GPC1: variants seen among roughly 807,000 people sequenced by gnomAD.
The protein encoded by GPC1 is glypican-1.
Under a neutral mutation model 51.5 loss-of-function variants are expected in GPC1, and 26 were observed. The observed-to-expected ratio is 0.50, with a 90% CI of 0.37 to 0.70. The LOEUF is 0.70. Ranked by LOEUF, GPC1 falls within the 30% of genes least tolerant of loss-of-function variation. GPC1 has a pLI of 0.00. For synonymous variants in GPC1, 380 were observed against 348.3 expected, an observed-to-expected ratio of 1.09 and a Z score of -1.01; for missense variants, 775 against 800.5, an observed-to-expected ratio of 0.97 and a Z score of 0.38.
rs769545270 is a variant in GPC1, at chr2:240,459,094, G to A, written c.231G>A (p.Leu77=). 17 of 1,612,856 alleles carry A rather than the reference G, an allele frequency of 1.1e-5. No individual in the cohort carries two copies. Among genetic ancestry groups the A allele is most frequent in the South Asian group, 6.6e-5 (6 of 91,088 alleles). ...TCCTSEMEEN[L]ANRSHAELET... is the part of the protein sequence containing the mutation. ...GCACCAGCGAGATGGAGGAGAACCTGGCCAACCGCAGCCATGCCGAGCTGG... is the reference window on the plus strand; with the variant it reads ...GCACCAGCGAGATGGAGGAGAACCTAGCCAACCGCAGCCATGCCGAGCTGG... The change falls in exon 2 of 9, where the codon CTG becomes CTA. Residue 77 remains leucine (L), a synonymous_variant. Coordinates refer to ENST00000264039, the MANE Select transcript of GPC1 (RefSeq NM_002081.3).
intron 3 of GPC1, 85 bp downstream of exon 3, chr2:240,462,667 C>T (rs562766352): frequency 3.9e-6 from 5 of 1,278,092 alleles, no homozygotes; most frequent in Non-Finnish European, 5.3e-6. Flanking sequence ...CCTACTTTAA[C>T]CCTGTGCCCC....
intron 1 of GPC1, chr2:240,450,593 GA>G (rs1442665104): frequency 4.2e-6 from 2 of 470,666 alleles, no homozygotes; most frequent in Non-Finnish European, 4.4e-6. Context: ...AGACCTCTGG[GA>G]ACAAGGGAGC....
At chr2:240,456,095 G>GCAGGT (rs1460426209) in intron 1 of GPC1, 5 of 300,964 alleles carry the variant, frequency 1.7e-5, no homozygotes, top group Non-Finnish European at 3.4e-5. Flanking sequence ...CTGGAACAAC[G>GCAGGT]CAGGTCGCCG....
intron 1 of GPC1, among the ~76,000 whole-genome samples, chr2:240,438,376 G>A (rs2073996949): frequency 6.6e-6 from 1 of 152,212 alleles, no homozygotes; most frequent in African/African-American, 2.4e-5. Flanking sequence ...CAGTCCTGGG[G>A]CAGCCAAGCC....
At chr2:240,456,341 C>T (rs938966954) in intron 1 of GPC1, among the ~76,000 whole-genome samples, 5 of 151,986 alleles carry the variant, frequency 3.3e-5, no homozygotes, top group South Asian at 4.1e-4. Flanking sequence ...GTGGGTCCGC[C>T]GGGACCTCGC....
chr2:240,439,231 G>A (rs1195077521), intron 1 of GPC1, among the ~76,000 whole-genome samples: 2 of 152,170 alleles, frequency 1.3e-5, no homozygotes, highest in Admixed American at 6.5e-5. Flanking sequence ...CCCGGCCCAG[G>A]ATAGCTTCTC....
chr2:240,464,457 TCA>T, intron 4 of GPC1, 157 bp from the exon 5 acceptor site: 1 of 923,892 alleles, frequency 1.1e-6, no homozygotes, highest in Non-Finnish European at 1.7e-6. Context: ...CCTGCACATG[TCA>T]CACGGGCCAA....
chr2:240,459,437 T>C (rs935111079), intron 2 of GPC1, among the ~76,000 whole-genome samples: 6 of 152,130 alleles, frequency 3.9e-5, no homozygotes, highest in Non-Finnish European at 7.4e-5. Flanking sequence ...CAGTGCACAT[T>C]TGGGGACAGA....
intron 1 of GPC1, chr2:240,455,149 C>G (rs2074145557): frequency 6.3e-6 from 1 of 159,558 alleles, no homozygotes; most frequent in Admixed American, 6.5e-5. Context: ...AGCAAGAGCT[C>G]TGTGCTTTAA....
chr2:240,465,708 G>A (rs1574781558), intron 8 of GPC1, 60 bp downstream of exon 8: 2 of 1,446,602 alleles, frequency 1.4e-6, no homozygotes, highest in East Asian at 4.6e-5. Flanking sequence ...TGCCACAGGG[G>A]TGTGACTGCC....
chr2:240,457,344 A>G (rs1342845628), intron 1 of GPC1: 1 of 442,904 alleles, frequency 2.3e-6, no homozygotes, highest in African/African-American at 2.0e-5. Context: ...GCCAAGCGGC[A>G]GCCGCCCAAG....
intron 8 of GPC1, 82 bp from the exon 9 acceptor site, chr2:240,465,976 C>T: frequency 2.8e-6 from 2 of 704,242 alleles, no homozygotes; most frequent in South Asian, 1.7e-5. Context: ...GTTGGGGTCA[C>T]CTGGCACGGG....
At position 240,459,309 on chromosome 2, in the gene GPC1, G is replaced by A. The variant is rs1054403682; in HGVS notation, c.325+121G>A. 5 of 980,954 alleles carry A rather than the reference G, an allele frequency of 5.1e-6. No individual in the cohort carries two copies. In the African/African-American group the frequency reaches 6.4e-5, roughly 13 times the overall value. 60.8% of individuals were successfully genotyped at this position (980,954 alleles called of 1,614,324 possible). A position where few individuals can be genotyped will look rare whatever the true frequency, so the allele number is the denominator to read the frequency against. On this transcript the variant is annotated intron_variant, in intron 2 of 8. Coordinates refer to ENST00000264039, the MANE Select transcript of GPC1 (RefSeq NM_002081.3). ...GGGGGATTGGCAGGAGGAGGTGGGG[G>A]AGTTAGTGCTTTGGGGCTAGGGCGC...
At chr2:240,447,254 G>A (rs947970641) in intron 1 of GPC1, among the ~76,000 whole-genome samples, 1 of 152,160 alleles carries the variant, frequency 6.6e-6, no homozygotes, top group African/African-American at 2.4e-5. Context: ...CCTCCCTCAA[G>A]CAGAGATCCC....
intron 2 of GPC1, among the ~76,000 whole-genome samples, 176 bp from the exon 3 acceptor site, chr2:240,462,015 C>T (rs902835407): frequency 6.6e-6 from 1 of 152,030 alleles, no homozygotes; most frequent in Non-Finnish European, 1.5e-5. Context: ...GGGGTGAGGT[C>T]TCGGGGCGCC....
intron 1 of GPC1, among the ~76,000 whole-genome samples, chr2:240,453,842 C>T (rs1240298482): frequency 6.6e-6 from 1 of 152,084 alleles, no homozygotes; most frequent in African/African-American, 2.4e-5. Flanking sequence ...GCCGCCGGTG[C>T]CGCCGAGCCT....
At chr2:240,443,416 G>A (rs1045765744) in intron 1 of GPC1, among the ~76,000 whole-genome samples, 2 of 152,216 alleles carry the variant, frequency 1.3e-5, no homozygotes, top group Non-Finnish European at 2.9e-5. Context: ...GTGGCTGGCC[G>A]AGGAGGCCCG....
intron 1 of GPC1, among the ~76,000 whole-genome samples, chr2:240,440,038 G>A (rs1031199712): frequency 1.3e-5 from 2 of 152,160 alleles, no homozygotes; most frequent in Non-Finnish European, 2.9e-5. Flanking sequence ...CGGTGTCCCC[G>A]GGCCTTTTCA....
At chr2:240,438,981 G>A (rs1574754125) in intron 1 of GPC1, among the ~76,000 whole-genome samples, 1 of 152,220 alleles carries the variant, frequency 6.6e-6, no homozygotes. Flanking sequence ...GCTGCCAGGA[G>A]CCCTCATGCT....
Sources: allele counts gnomAD v4.1 joint callset (sites outside exome capture counted in the v4.1 genomes callset), GRCh38; gene constraint gnomAD v4.1.1; transcripts MANE v1.5; gene names NCBI Gene and HGNC (gene_info 2026-07-23, HGNC 2026-07-21).